The following NRXN3 variants were observed in gnomAD, a reference collection of about 807,000 sequenced individuals.
NRXN3 encodes the protein neurexin III.
Under a neutral mutation model 137.6 loss-of-function variants are expected in NRXN3, and 32 were observed. The observed-to-expected ratio is 0.23, with a 90% CI of 0.18 to 0.31. The LOEUF is 0.31. NRXN3 is among the 10% of genes least tolerant of loss of function. The probability of loss-of-function intolerance (pLI) is 1.00; values close to 1 mark genes in which losing one functional copy is unlikely to be tolerated. For synonymous variants in NRXN3, 798 were observed against 784.5 expected (o/e 1.02, Z -0.29); for missense variants, 1,574 against 2,062.5 (o/e 0.76, Z 4.59).
At chr14:78,703,885 A>G (rs2098317175) in intron 6 of NRXN3, 1 of 152,244 alleles carries the variant, frequency 6.6e-6, no homozygotes, top group Non-Finnish European at 1.5e-5. Context: ...GAAAAGAAAG[A>G]CCAGGTGGTA....
chr14:78,433,478 T>A (rs1413903924), intron 4 of NRXN3, among the ~76,000 whole-genome samples: 1 of 152,122 alleles, frequency 6.6e-6, no homozygotes, highest in Middle Eastern at 3.2e-3. Flanking sequence ...AAAGTTTATA[T>A]GTTGGGTACT....
At chr14:78,419,955 G>GTACGCA (rs76289114) in intron 4 of NRXN3, among the ~76,000 whole-genome samples, 13 of 148,998 alleles carry the variant, frequency 8.7e-5, no homozygotes, top group Admixed American at 1.3e-4. Context: ...GCGCGCGCGC[G>GTACGCA]CGCACGCACA....
chr14:79,392,363 A>T (rs2094876720), intron 15 of NRXN3, among the ~76,000 whole-genome samples: 1 of 152,200 alleles, frequency 6.6e-6, no homozygotes, highest in South Asian at 2.1e-4. Context: ...CATGGTGTAT[A>T]TACCACATTT....
At chr14:79,296,938 C>T (rs1048881770) in intron 15 of NRXN3, among the ~76,000 whole-genome samples, 2 of 152,220 alleles carry the variant, frequency 1.3e-5, no homozygotes, top group Non-Finnish European at 2.9e-5. Flanking sequence ...CACGTTTAGC[C>T]TCATCACTCA....
chr14:79,461,801 G>A (rs1490358388), intron 15 of NRXN3, among the ~76,000 whole-genome samples: 3 of 152,060 alleles, frequency 2.0e-5, no homozygotes, highest in Non-Finnish European at 4.4e-5. Flanking sequence ...AAAAAAACAC[G>A]AATGTGGATA....
chr14:78,814,681 G>A (rs1333327475), intron 10 of NRXN3, among the ~76,000 whole-genome samples: 1 of 152,154 alleles, frequency 6.6e-6, no homozygotes, highest in Non-Finnish European at 1.5e-5. Flanking sequence ...TGGAGGAAAT[G>A]TCCTGTTCCT....
chr14:78,619,659 G>A (rs1215398087), intron 4 of NRXN3, among the ~76,000 whole-genome samples: 1 of 151,912 alleles, frequency 6.6e-6, no homozygotes. Flanking sequence ...TGCCCTCTTT[G>A]CTTGGCATTT....
At chr14:79,213,631 G>C (rs571697737) in intron 15 of NRXN3, among the ~76,000 whole-genome samples, 1 of 151,414 alleles carries the variant, frequency 6.6e-6, no homozygotes, top group South Asian at 2.1e-4. Flanking sequence ...TTTTTGGGGG[G>C]GGGTGGCGGG....
At chr14:79,024,881 A>G (rs1189951508) in intron 15 of NRXN3, among the ~76,000 whole-genome samples, 2 of 152,122 alleles carry the variant, frequency 1.3e-5, no homozygotes, top group Non-Finnish European at 1.5e-5. Flanking sequence ...TTGTTGAGCA[A>G]TTATTAAATA....
intron 11 of NRXN3, among the ~76,000 whole-genome samples, chr14:78,963,330 C>G (rs576121643): frequency 7.8e-4 from 118 of 152,108 alleles, no homozygotes; most frequent in Non-Finnish European, 1.4e-3. Context: ...CAGAGATTCC[C>G]CATTCTGACT....
At chr14:79,408,883 G>A (rs2095362439) in intron 15 of NRXN3, among the ~76,000 whole-genome samples, 1 of 151,984 alleles carries the variant, frequency 6.6e-6, no homozygotes, top group Non-Finnish European at 1.5e-5. Flanking sequence ...CTTTGTGGGT[G>A]TACTCAGAAC....
At chr14:79,266,640 C>T (rs567900459) in intron 15 of NRXN3, among the ~76,000 whole-genome samples, 1 of 152,236 alleles carries the variant, frequency 6.6e-6, no homozygotes, top group Non-Finnish European at 1.5e-5. Context: ...AGGAAATGTA[C>T]ATCTCTAGCC....
chr14:79,151,486 T>C (rs2153033597), intron 15 of NRXN3, among the ~76,000 whole-genome samples: 1 of 152,152 alleles, frequency 6.6e-6, no homozygotes, highest in Non-Finnish European at 1.5e-5. Context: ...TTCCTGCCAA[T>C]ACTGATTGAT....
At chr14:79,533,627 C>T (rs981629490) in intron 16 of NRXN3, among the ~76,000 whole-genome samples, 3 of 152,084 alleles carry the variant, frequency 2.0e-5, no homozygotes, top group Non-Finnish European at 2.9e-5. Context: ...CAATAAAAAT[C>T]GTCCCAGTAA....
intron 4 of NRXN3, among the ~76,000 whole-genome samples, chr14:78,617,116 T>C (rs1273222926): frequency 6.6e-6 from 1 of 152,206 alleles, no homozygotes; most frequent in African/African-American, 2.4e-5. Context: ...ACAAAAGCCC[T>C]GATATGTATA....
intron 4 of NRXN3, among the ~76,000 whole-genome samples, chr14:78,444,398 A>G (rs553096866): frequency 6.6e-5 from 10 of 152,054 alleles, no homozygotes; most frequent in Admixed American, 3.3e-4. Context: ...TCCTGGGGAA[A>G]ATACAGCTCA....
intron 8 of NRXN3, among the ~76,000 whole-genome samples, chr14:78,752,624 A>G (rs946248263): frequency 6.6e-6 from 1 of 152,162 alleles, no homozygotes; most frequent in Admixed American, 6.5e-5. Flanking sequence ...AAGAAGAGAC[A>G]TTAAAGTGAG....
At chr14:79,155,281 T>C (rs957606755) in intron 15 of NRXN3, among the ~76,000 whole-genome samples, 5 of 151,898 alleles carry the variant, frequency 3.3e-5, no homozygotes, top group African/African-American at 1.2e-4. Context: ...ATACATCACA[T>C]CTGTATTTGT....
At chr14:79,679,692 A>T (rs1024963969) in intron 17 of NRXN3, among the ~76,000 whole-genome samples, 10 of 152,330 alleles carry the variant, frequency 6.6e-5, no homozygotes, top group Admixed American at 5.9e-4. Flanking sequence ...TTCTAATTTC[A>T]TAGGAAAAAA....
Sources: allele counts gnomAD v4.1 joint callset (sites outside exome capture counted in the v4.1 genomes callset), GRCh38; gene constraint gnomAD v4.1.1; transcripts MANE v1.5; gene names NCBI Gene and HGNC (gene_info 2026-07-23, HGNC 2026-07-21).